IQCM: variants seen among roughly 807,000 people sequenced by gnomAD.
IQCM encodes the protein IQ motif containing M, also known as IQ domain-containing protein M.
A neutral mutation model predicts 57.6 loss-of-function variants in IQCM; 45 were observed. The observed-to-expected ratio is 0.78, with a 90% CI of 0.62 to 1.00. The LOEUF (loss-of-function observed/expected upper bound fraction) is 1.00, where lower values mean the gene tolerates loss of function less well. Ranked by LOEUF, IQCM falls within the 50% of genes least tolerant of loss-of-function variation. IQCM has a pLI of 0.00. For missense variants in IQCM, 468 were observed against 511.6 expected, an observed-to-expected ratio of 0.91 and a Z score of 0.82; for synonymous variants, 148 against 158.9, an observed-to-expected ratio of 0.93 and a Z score of 0.51.
intron 7 of IQCM, among the ~76,000 whole-genome samples, chr4:149,637,928 A>G (rs1378764497): frequency 1.3e-5 from 2 of 152,204 alleles, no homozygotes; most frequent in Non-Finnish European, 2.9e-5. Context: ...ACAAAATCAC[A>G]CTATTTTAAA....
intron 7 of IQCM, among the ~76,000 whole-genome samples, chr4:149,636,046 C>T (rs903814148): frequency 5.3e-5 from 8 of 152,034 alleles, no homozygotes; most frequent in Non-Finnish European, 1.0e-4. Context: ...TTACTTTAGA[C>T]ATAGAATGTC....
At chr4:149,797,479 G>A (rs1353130966) in intron 2 of IQCM, among the ~76,000 whole-genome samples, 2 of 152,050 alleles carry the variant, frequency 1.3e-5, no homozygotes, top group Non-Finnish European at 2.9e-5. Flanking sequence ...AGGAAGTAGA[G>A]AAAGAGATAG....
intron 2 of IQCM, among the ~76,000 whole-genome samples, chr4:149,767,053 T>C (rs537714521): frequency 6.6e-6 from 1 of 152,198 alleles, no homozygotes; most frequent in African/African-American, 2.4e-5. Flanking sequence ...AGGATCATAT[T>C]TTATAAAAAG....
intron 6 of IQCM, among the ~76,000 whole-genome samples, chr4:149,685,279 T>C (rs1198336749): frequency 5.9e-5 from 9 of 151,546 alleles, no homozygotes; most frequent in Admixed American, 1.3e-4. Flanking sequence ...AATTGCTATA[T>C]TAACTACTCT....
At chr4:149,795,773 C>T (rs1435882906) in intron 2 of IQCM, among the ~76,000 whole-genome samples, 2 of 152,152 alleles carry the variant, frequency 1.3e-5, no homozygotes, top group African/African-American at 2.4e-5. Context: ...AACTGTGAGA[C>T]CCCCTTTCCA....
At chr4:149,373,934 C>T (rs901272607) in intron 13 of IQCM, among the ~76,000 whole-genome samples, 1 of 152,182 alleles carries the variant, frequency 6.6e-6, no homozygotes, top group African/African-American at 2.4e-5. Context: ...TCTCTGCCCT[C>T]ACCTTTTCTT....
intron 12 of IQCM, among the ~76,000 whole-genome samples, chr4:149,453,666 A>T (rs1423023823): frequency 6.6e-6 from 1 of 151,988 alleles, no homozygotes; most frequent in African/African-American, 2.4e-5. Context: ...CCACAATGAG[A>T]TACCACTTCA....
chr4:149,435,086 G>T (rs951898878), intron 12 of IQCM, among the ~76,000 whole-genome samples: 2 of 152,048 alleles, frequency 1.3e-5, no homozygotes, highest in Non-Finnish European at 2.9e-5. Flanking sequence ...AGACCAAGGG[G>T]TCCCTATATC....
chr4:149,592,021 T>C (rs1306395688), intron 8 of IQCM, among the ~76,000 whole-genome samples: 1 of 152,168 alleles, frequency 6.6e-6, no homozygotes, highest in African/African-American at 2.4e-5. Context: ...CTTTGAGGAA[T>C]CGCCACACAT....
chr4:149,658,426 T>G (rs1414859122), intron 7 of IQCM, among the ~76,000 whole-genome samples: 1 of 152,158 alleles, frequency 6.6e-6, no homozygotes, highest in Non-Finnish European at 1.5e-5. Context: ...TATTTTTAAG[T>G]CATGTTGTGT....
intron 12 of IQCM, among the ~76,000 whole-genome samples, chr4:149,483,438 G>T (rs892476137): frequency 1.3e-5 from 2 of 151,654 alleles, no homozygotes; most frequent in African/African-American, 4.8e-5. Context: ...TATTGGTTTT[G>T]CTGTATCCTA....
At chr4:149,684,906 A>G (rs1427283206) in intron 6 of IQCM, among the ~76,000 whole-genome samples, 1 of 151,394 alleles carries the variant, frequency 6.6e-6, no homozygotes, top group Non-Finnish European at 1.5e-5. Context: ...CAGGCTTTAC[A>G]TGCCCTGAGC....
intron 11 of IQCM, among the ~76,000 whole-genome samples, chr4:149,552,810 C>A (rs1749162827): frequency 1.3e-5 from 2 of 152,150 alleles, no homozygotes; most frequent in African/African-American, 4.8e-5. Context: ...CCCCCAGAGG[C>A]AAATTGAGAT....
intron 7 of IQCM, among the ~76,000 whole-genome samples, chr4:149,657,891 A>G (rs1383446856): frequency 6.6e-6 from 1 of 151,668 alleles, no homozygotes; most frequent in East Asian, 1.9e-4. Context: ...TATATTCTGG[A>G]TACTAACTCC....
intron 13 of IQCM, among the ~76,000 whole-genome samples, chr4:149,389,779 G>T (rs2111078922): frequency 6.6e-6 from 1 of 151,812 alleles, no homozygotes; most frequent in South Asian, 2.1e-4. Context: ...AGTGGGTGCA[G>T]CGCACCAGCA....
At chr4:149,437,697 T>C (rs1403911531) in intron 12 of IQCM, among the ~76,000 whole-genome samples, 1 of 152,022 alleles carries the variant, frequency 6.6e-6, no homozygotes, top group East Asian at 1.9e-4. Flanking sequence ...ATTTTAAAAA[T>C]AAATAAATAA....
chr4:149,367,579 T>A (rs1267184861), intron 13 of IQCM, among the ~76,000 whole-genome samples: 3 of 152,042 alleles, frequency 2.0e-5, no homozygotes, highest in Non-Finnish European at 4.4e-5. Context: ...TAACATTTTC[T>A]TTGGTGCCCA....
intron 2 of IQCM, among the ~76,000 whole-genome samples, chr4:149,760,553 G>T (rs1228943655): frequency 6.6e-6 from 1 of 151,996 alleles, no homozygotes; most frequent in Non-Finnish European, 1.5e-5. Flanking sequence ...TACTCACTAA[G>T]GGTCTGGTTT....
In IQCM at chr4:149,643,893, G is replaced by A. The variant is rs541348468; in HGVS notation, c.566-22649C>T. On this transcript the variant is annotated intron_variant, in intron 7 of 13. Transcript: ENST00000636793. Reference sequence around the variant, plus strand: ...CAGACTCCGCCTTCTTACTCTTAATGTATTTCTGATCATAATTTTATATTA... The same window carrying A: ...CAGACTCCGCCTTCTTACTCTTAATATATTTCTGATCATAATTTTATATTA... Among the ~76,000 whole-genome samples the A allele has an allele frequency of 5.5e-4, 83 of 152,228 alleles. 2 individuals are homozygous for A. In the South Asian group the frequency reaches 0.016, roughly 29 times the overall value.
Sources: gnomAD v4.1 joint callset for allele counts (sites outside exome capture counted in the v4.1 genomes callset) on GRCh38, gnomAD v4.1.1 for gene constraint, MANE v1.5 for transcripts, NCBI Gene and HGNC (gene_info 2026-07-23, HGNC 2026-07-21) for gene names.